The following AXDND1 variants were observed in gnomAD, a reference collection of about 807,000 sequenced individuals.
AXDND1 encodes the protein axonemal dynein light chain domain containing 1.
A neutral mutation model predicts 137.5 loss-of-function variants in AXDND1; 110 were observed. That is an observed-to-expected ratio of 0.80 (90% CI 0.69 to 0.94). The LOEUF (loss-of-function observed/expected upper bound fraction) is 0.94, where lower values mean the gene tolerates loss of function less well. Ranked by LOEUF, AXDND1 falls within the 40% of genes least tolerant of loss-of-function variation. The pLI is 0.00. For missense variants in AXDND1, 1,191 were observed against 1,169.8 expected (o/e 1.02, Z -0.26); for synonymous variants, 414 against 399.7 (o/e 1.04, Z -0.43).
intron 23 of AXDND1, among the ~76,000 whole-genome samples, chr1:179,533,270 TA>T (rs1671195759): frequency 6.6e-6 from 1 of 152,192 alleles, no homozygotes; most frequent in African/African-American, 2.4e-5. Context: ...CAAAATAAAT[TA>T]AAGAGGTTAT....
chr1:179,476,975 T>C (rs903549669), intron 17 of AXDND1, among the ~76,000 whole-genome samples: 1 of 152,168 alleles, frequency 6.6e-6, no homozygotes, highest in Non-Finnish European at 1.5e-5. Context: ...AATACTCCCT[T>C]TATATGTAAG....
intron 9 of AXDND1, among the ~76,000 whole-genome samples, chr1:179,388,589 CT>C (rs967711916): frequency 2.1e-5 from 3 of 139,582 alleles, no homozygotes; most frequent in African/African-American, 7.8e-5. Context: ...TATTTTTCCC[CT>C]AAGAGATTTT....
intron 9 of AXDND1, among the ~76,000 whole-genome samples, chr1:179,388,976 C>CTTTTTTTTTTT (rs11373996): frequency 2.7e-5 from 3 of 112,534 alleles, no homozygotes; most frequent in Admixed American, 1.1e-4. Context: ...TTTTTAGATT[C>CTTTTTTTTTTT]TTTTTTTTTT....
At chr1:179,539,132 A>G (rs966506794) in intron 25 of AXDND1, among the ~76,000 whole-genome samples, 2 of 151,782 alleles carry the variant, frequency 1.3e-5, no homozygotes, top group African/African-American at 4.8e-5. Context: ...ATGGGTCTTG[A>G]CTCTTTATCC....
chr1:179,396,900 G>C (rs936537341), intron 11 of AXDND1, among the ~76,000 whole-genome samples: 1 of 152,104 alleles, frequency 6.6e-6, no homozygotes, highest in Non-Finnish European at 1.5e-5. Flanking sequence ...TGAGTCTCTT[G>C]AAGATAGCAT....
chr1:179,486,139 A>AAACAAAACAAAAAACT (rs1553291081), intron 18 of AXDND1, among the ~76,000 whole-genome samples: 5 of 87,770 alleles, frequency 5.7e-5, no homozygotes, highest in Non-Finnish European at 9.2e-5. Flanking sequence ...AAAAAAAAAA[A>AAACAAAACAAAAAACT]AACCTGATAG....
Position 179,474,854 on chromosome 1 carries a change from C to T in AXDND1, c.1997+6213C>T, listed in dbSNP as rs74725910. Among the ~76,000 whole-genome samples, 14 of 152,334 alleles carry T rather than the reference C, an allele frequency of 9.2e-5. No homozygotes were observed. The East Asian group carries it at 2.3e-3, about 25-fold the overall frequency. ...ATATCTCCAGAGCAAGTCAGCGATC[C>T]TCAGACCAACCCCTCTTATCACAGG... On this transcript the variant is annotated intron_variant, in intron 17 of 25. Coordinates refer to ENST00000367618, the MANE Select transcript of AXDND1 (RefSeq NM_144696.6).
At chr1:179,501,821 A>G (rs922067761) in intron 20 of AXDND1, among the ~76,000 whole-genome samples, 14 of 152,218 alleles carry the variant, frequency 9.2e-5, no homozygotes, top group Non-Finnish European at 1.9e-4. Context: ...TCAATTCCAA[A>G]TGGACTAGAA....
At chr1:179,456,479 A>G (rs1661423415) in intron 16 of AXDND1, 3 of 768,374 alleles carry the variant, frequency 3.9e-6, no homozygotes, top group South Asian at 1.3e-5. Flanking sequence ...TATAGCTATT[A>G]TAGCTGCCAC....
chr1:179,537,649 A>C (rs1022948015), intron 25 of AXDND1, among the ~76,000 whole-genome samples: 1 of 152,166 alleles, frequency 6.6e-6, no homozygotes, highest in African/African-American at 2.4e-5. Flanking sequence ...TTGGTCAAAA[A>C]TTCTCTTTTT....
At chr1:179,519,903 T>A (rs1669896059) in intron 21 of AXDND1, among the ~76,000 whole-genome samples, 2 of 152,182 alleles carry the variant, frequency 1.3e-5, no homozygotes, top group Admixed American at 1.3e-4. Context: ...TTTAAAATAG[T>A]TTTTTTCTAG....
At chr1:179,402,041 A>G (rs1029595500) in intron 11 of AXDND1, among the ~76,000 whole-genome samples, 4 of 151,924 alleles carry the variant, frequency 2.6e-5, no homozygotes, top group Non-Finnish European at 4.4e-5. Flanking sequence ...GCGTGGTGGC[A>G]TGCGCCTGCA....
intron 9 of AXDND1, among the ~76,000 whole-genome samples, chr1:179,387,187 C>T (rs1649353236): frequency 6.6e-6 from 1 of 152,036 alleles, no homozygotes; most frequent in South Asian, 2.1e-4. Context: ...TCTTAGTCTG[C>T]CTTGTGCTGC....
At position 179,492,936 on chromosome 1, in the gene AXDND1, G is replaced by T. The variant is rs1667077024; in HGVS notation, c.2373G>T (p.Glu791Asp). ...SHKNATEDLY[E>D]VDKLKKECYE... Reference sequence around the variant, plus strand: ...AAAATGCTACTGAAGACCTTTATGAGGTGGATAAGTTGAAGGTAATAACTC... The same window carrying T: ...AAAATGCTACTGAAGACCTTTATGATGTGGATAAGTTGAAGGTAATAACTC... Residue 791 changes from glutamate to aspartate, a missense_variant, in exon 20 of 26, where the codon GAG (glutamate) becomes GAT (aspartate). Physicochemically the swap from Glu to Asp is conservative, Grantham distance 45. Transcript: ENST00000367618. 2.5e-6 allele frequency: 4 copies of T among 1,603,708 alleles called. No homozygotes were observed. The highest frequency in any genetic ancestry group is 3.4e-6 in the Non-Finnish European group (4 of 1,174,290).
At chr1:179,399,832 A>G (rs995798791) in intron 11 of AXDND1, among the ~76,000 whole-genome samples, 6 of 152,366 alleles carry the variant, frequency 3.9e-5, no homozygotes, top group African/African-American at 1.4e-4. Context: ...AAAATGCTCA[A>G]CATCACTAAT....
At chr1:179,456,054 A>T in intron 16 of AXDND1, 1 of 447,162 alleles carries the variant, frequency 2.2e-6, no homozygotes, top group Non-Finnish European at 4.4e-6. Context: ...CACAAATAAC[A>T]GTCCTCGAGT....
chr1:179,457,820 G>A (rs892578236), intron 16 of AXDND1, among the ~76,000 whole-genome samples: 12 of 152,070 alleles, frequency 7.9e-5, no homozygotes, highest in African/African-American at 2.9e-4. Context: ...TTTAGAGATC[G>A]TTTTACTTTC....
rs144338390 is a variant in AXDND1 at position 179,417,329 on chromosome 1, A to G, written c.1230+6063A>G. Among the ~76,000 whole-genome samples the G allele has an allele frequency of 6.4e-3, 974 of 151,948 alleles. 7 individuals are homozygous for G. Among genetic ancestry groups the G allele is most frequent in the African/African-American group, 0.022 (929 of 41,448 alleles). On this transcript the variant is annotated intron_variant, in intron 12 of 25. Coordinates refer to ENST00000367618, the MANE Select transcript of AXDND1 (RefSeq NM_144696.6). ...CACTTTGTTGATTGTTTCCTTTACC[A>G]TGCAGAAGGTTTGTAGCTTGATGTA...
intron 5 of AXDND1, among the ~76,000 whole-genome samples, chr1:179,378,977 G>A (rs912637133): frequency 2.0e-5 from 3 of 152,058 alleles, no homozygotes; most frequent in African/African-American, 7.2e-5. Context: ...GCCATTTTGC[G>A]AACCACAGTT....
Sources: gnomAD v4.1 joint callset for allele counts (sites outside exome capture counted in the v4.1 genomes callset) on GRCh38, gnomAD v4.1.1 for gene constraint, MANE v1.5 for transcripts, NCBI Gene and HGNC (gene_info 2026-07-23, HGNC 2026-07-21) for gene names.